The following AZIN1 variants were observed in gnomAD, a reference collection of about 807,000 sequenced individuals.
The protein encoded by AZIN1 is antizyme inhibitor 1.
A neutral mutation model predicts 47.4 loss-of-function variants in AZIN1; 12 were observed. That is an observed-to-expected ratio of 0.25 (90% CI 0.16 to 0.41). The LOEUF is 0.41. Ranked by LOEUF, AZIN1 falls within the 10% of genes least tolerant of loss-of-function variation. The probability of loss-of-function intolerance (pLI) is 1.00; values close to 1 mark genes in which losing one functional copy is unlikely to be tolerated. For synonymous variants in AZIN1, 155 were observed against 176.3 expected (o/e 0.88, Z 0.96); for missense variants, 410 against 532.4 (o/e 0.77, Z 2.26).
In AZIN1 at chr8:102,828,533, G is replaced by T; in HGVS notation, c.*34C>A. 2 of 1,404,508 alleles carry T rather than the reference G, an allele frequency of 1.4e-6. No homozygotes were observed. The highest frequency in any genetic ancestry group is 2.0e-6 in the Non-Finnish European group (2 of 1,003,992). 87.0% of individuals were successfully genotyped at this position (1,404,508 alleles called of 1,614,324 possible). Reference sequence around the variant, plus strand: ...AATGTTGACCAGACAAGCTTAACCTGCAACTTCAGATCTAAAGAAGCGTTA... The same window carrying T: ...AATGTTGACCAGACAAGCTTAACCTTCAACTTCAGATCTAAAGAAGCGTTA... On this transcript the variant is annotated 3_prime_UTR_variant, in exon 12 of 12. Coordinates refer to ENST00000337198, the MANE Select transcript of AZIN1 (RefSeq NM_148174.4).
chr8:102,860,294 G>A (rs938011306), intron 1 of AZIN1, among the ~76,000 whole-genome samples: 4 of 152,024 alleles, frequency 2.6e-5, no homozygotes, highest in Admixed American at 6.6e-5. Context: ...ACGGAGTCTC[G>A]CTCTGTCACC....
At chr8:102,836,448 G>A (rs1563533884) in intron 5 of AZIN1, 58 bp from the exon 6 acceptor site, 3 of 1,545,244 alleles carry the variant, frequency 1.9e-6, no homozygotes, top group Non-Finnish European at 2.7e-6. Context: ...CAGCACATGT[G>A]AAGCCTGAAG....
At chr8:102,857,660 A>G (rs183017851) in intron 2 of AZIN1, among the ~76,000 whole-genome samples, 1 of 152,278 alleles carries the variant, frequency 6.6e-6, no homozygotes, top group Non-Finnish European at 1.5e-5. Flanking sequence ...TCCTCTAAAA[A>G]CAATCAGTTA....
chr8:102,834,345 G>A (rs1365570109), intron 7 of AZIN1, 82 bp from the exon 8 acceptor site: 2 of 1,139,844 alleles, frequency 1.8e-6, no homozygotes, highest in East Asian at 4.8e-5. Flanking sequence ...CTCCTAGGGA[G>A]GTAAATATCT....
At chr8:102,835,136 C>T (rs1280092415) in intron 6 of AZIN1, 1 of 159,342 alleles carries the variant, frequency 6.3e-6, no homozygotes, top group African/African-American at 2.4e-5. Flanking sequence ...TTTTACCCAA[C>T]CAAATACAAA....
chr8:102,829,754 C>T (rs1368576513), intron 10 of AZIN1, 67 bp downstream of exon 10: 2 of 1,189,286 alleles, frequency 1.7e-6, no homozygotes, highest in African/African-American at 3.1e-5. Flanking sequence ...AACTGGGAAG[C>T]ATCTTAAAAA....
Position 102,848,322 on chromosome 8 carries a change from C to T in AZIN1, c.-95-4575G>A, listed in dbSNP as rs990568480. Among the ~76,000 whole-genome samples the T allele has an allele frequency of 3.4e-4, 11 of 32,368 alleles. 1 individual carries two copies. The South Asian group carries it at 4.2e-3, about 12-fold the overall frequency. 21.2% of individuals were successfully genotyped at this position (32,368 alleles called of 152,430 possible). On this transcript the variant is annotated intron_variant, in intron 2 of 11. Transcript: ENST00000337198. ...TCAGCTACTGTTAAAGACTAAAAGG[C>T]CAAAAAAAAAAAAAAAAAAAAAAGC...
chr8:102,863,530 C>T (rs911418539), intron 1 of AZIN1, among the ~76,000 whole-genome samples: 2 of 151,562 alleles, frequency 1.3e-5, no homozygotes, highest in African/African-American at 2.4e-5. Flanking sequence ...CGCTCCCCCA[C>T]TGGCACACGC....
chr8:102,836,580 T>C, intron 5 of AZIN1, 190 bp from the exon 6 acceptor site: 1 of 584,032 alleles, frequency 1.7e-6, no homozygotes, highest in Non-Finnish European at 3.0e-6. Context: ...GCCTAAAGCA[T>C]GAAGCTTACA....
At chr8:102,842,419 AC>A (rs1438397164) in intron 3 of AZIN1, among the ~76,000 whole-genome samples, 1 of 151,250 alleles carries the variant, frequency 6.6e-6, no homozygotes, top group African/African-American at 2.4e-5. Flanking sequence ...AAATACAAAA[AC>A]TTAGGCCAGG....
chr8:102,842,117 G>GA (rs199990476), intron 3 of AZIN1, among the ~76,000 whole-genome samples: 3,394 of 139,194 alleles, frequency 0.024, 131 homozygotes, highest in East Asian at 0.21. Context: ...GTCTCAAAGA[G>GA]AAAAAAAAAA....
chr8:102,860,532 G>C (rs1177186305), intron 1 of AZIN1, among the ~76,000 whole-genome samples: 1 of 151,972 alleles, frequency 6.6e-6, no homozygotes, highest in Non-Finnish European at 1.5e-5. Flanking sequence ...CAAAGTGCTG[G>C]GATTACAGGC....
rs1286101462 is a variant in AZIN1, at chr8:102,864,156, G to C, written c.-583C>G. 2.2e-5 allele frequency: 4 copies of C among 181,432 alleles called. No homozygotes were observed. The highest frequency in any genetic ancestry group is 9.6e-5 in the African/African-American group (4 of 41,598). 11.2% of individuals were successfully genotyped at this position (181,432 alleles called of 1,614,324 possible). A position where few individuals can be genotyped will look rare whatever the true frequency, so the allele number is the denominator to read the frequency against. ...AAAACTGCGGCCGCGATCAGAGCCT[G>C]AAAGTGTGAGAAGGCGGCGCCAGCG... On this transcript the variant is annotated 5_prime_UTR_variant, in exon 1 of 12. Transcript: ENST00000337198.
At position 102,828,508 on chromosome 8, in the gene AZIN1, A is replaced by C; in HGVS notation, c.*59T>G. 9.0e-7 allele frequency: 1 copy of C among 1,114,932 alleles called. No homozygotes were observed. Among genetic ancestry groups the C allele is most frequent in the Non-Finnish European group, 1.3e-6 (1 of 763,554 alleles). The allele number at this position is 1,114,932 out of a possible 1,614,324, so 69.1% of individuals were successfully genotyped here. A position where few individuals can be genotyped will look rare whatever the true frequency, so the allele number is the denominator to read the frequency against. ...TGTTTAAATTATTTTTCCACACTGG[A>C]ATGTTGACCAGACAAGCTTAACCTG... On this transcript the variant is annotated 3_prime_UTR_variant, in exon 12 of 12. Transcript: ENST00000337198.
At position 102,826,980 on chromosome 8, in the gene AZIN1, CA is replaced by C. The variant is rs1811152351; in HGVS notation, c.*1586del. ...AGATTTAAATGGGCATTAATCAAAT[CA>C]AAAAATATTAAGCACCTACTGGTTT... On this transcript the variant is annotated 3_prime_UTR_variant, in exon 12 of 12. Transcript: ENST00000337198. The C allele has an allele frequency of 6.6e-6, 1 of 152,468 alleles. No individual in the cohort carries two copies. The highest frequency in any genetic ancestry group is 2.4e-5 in the African/African-American group (1 of 41,488). 9.4% of individuals were successfully genotyped at this position (152,468 alleles called of 1,614,324 possible).
At chr8:102,851,711 A>G (rs1812930228) in intron 2 of AZIN1, among the ~76,000 whole-genome samples, 1 of 152,156 alleles carries the variant, frequency 6.6e-6, no homozygotes, top group Non-Finnish European at 1.5e-5. Flanking sequence ...AACAAAAAAA[A>G]AGAAAGAAAT....
intron 5 of AZIN1, chr8:102,836,669 C>A: frequency 3.1e-6 from 1 of 326,164 alleles, no homozygotes; most frequent in Non-Finnish European, 5.6e-6. Flanking sequence ...TAATGAAAGA[C>A]GACATTACTT....
intron 3 of AZIN1, among the ~76,000 whole-genome samples, chr8:102,841,888 A>G (rs1283100161): frequency 6.6e-6 from 1 of 151,522 alleles, no homozygotes; most frequent in Non-Finnish European, 1.5e-5. Context: ...AGGTGGGTGG[A>G]TCACCTGAGG....
chr8:102,832,960 C>G, intron 9 of AZIN1, 96 bp downstream of exon 9: 1 of 1,167,696 alleles, frequency 8.6e-7, no homozygotes, highest in Non-Finnish European at 1.2e-6. Context: ...TTTTTAAAAG[C>G]TGAAAACCAC....
Sources: allele counts gnomAD v4.1 joint callset (sites outside exome capture counted in the v4.1 genomes callset), GRCh38; gene constraint gnomAD v4.1.1; transcripts MANE v1.5; gene names NCBI Gene and HGNC (gene_info 2026-07-23, HGNC 2026-07-21).